The following NAT10 variants were observed in gnomAD, a reference collection of about 807,000 sequenced individuals.
NAT10 encodes the protein N-acetyltransferase 10, also known as RNA cytidine acetyltransferase.
Under a neutral mutation model 132.2 loss-of-function variants are expected in NAT10, and 109 were observed. The observed-to-expected ratio is 0.82, with a 90% confidence interval of 0.71 to 0.97. The LOEUF (loss-of-function observed/expected upper bound fraction) is 0.97. Ranked by LOEUF, NAT10 falls within the 50% of genes least tolerant of loss-of-function variation. The pLI, the probability that NAT10 is intolerant of heterozygous loss-of-function variation, is 0.00. For synonymous variants in NAT10, 479 were observed against 478.0 expected (o/e 1.00, Z -0.03); for missense variants, 1,184 against 1,263.4 (o/e 0.94, Z 0.95).
chr11:34,139,755 C>T (rs1852287095), intron 23 of NAT10, among the ~76,000 whole-genome samples: 2 of 152,040 alleles, frequency 1.3e-5, no homozygotes, highest in African/African-American at 2.4e-5. Context: ...TTATGGAGGC[C>T]GATTTACATC....
At position 34,131,531 on chromosome 11, in the gene NAT10, T is replaced by G. The variant is rs763006405; in HGVS notation, c.1520T>G (p.Leu507Arg). 3 of 1,612,216 alleles carry G rather than the reference T, an allele frequency of 1.9e-6. No individual in the cohort carries two copies. Among genetic ancestry groups the G allele is most frequent in the Non-Finnish European group, 2.5e-6 (3 of 1,178,904 alleles). ...SGCPLPEACE[L>R]YYVNRDTLFC... Reference sequence around the variant, plus strand: ...TGCCCCTTGCCTGAAGCTTGTGAACTGTATCCTCCTCTGGGTTTCACTGGC... The same window carrying G: ...TGCCCCTTGCCTGAAGCTTGTGAACGGTATCCTCCTCTGGGTTTCACTGGC... Residue 507 changes from leucine (L) to arginine (R), a missense_variant and splice_region_variant, in exon 14 of 29, where the codon CTG becomes CGG. By Grantham distance (102) the Leu-to-Arg change is moderately radical. Transcript: ENST00000257829.
chr11:34,126,279 G>A (rs1454115516), intron 11 of NAT10, among the ~76,000 whole-genome samples: 1 of 152,080 alleles, frequency 6.6e-6, no homozygotes, highest in Admixed American at 6.6e-5. Flanking sequence ...CCTCCCCATG[G>A]GTGACTTAGT....
intron 1 of NAT10, 195 bp downstream of exon 1, chr11:34,105,987 C>T (rs1851588544): frequency 6.6e-6 from 1 of 152,408 alleles, no homozygotes; most frequent in Non-Finnish European, 1.5e-5. Context: ...CCGCTCTCGG[C>T]GCGTGCTTCT....
At chr11:34,130,248 A>G (rs979379871) in intron 12 of NAT10, among the ~76,000 whole-genome samples, 1 of 152,244 alleles carries the variant, frequency 6.6e-6, no homozygotes, top group East Asian at 1.9e-4. Context: ...TTTTTTCTCA[A>G]CATTTTTTAG....
chr11:34,132,669 G>T (rs975861211), intron 15 of NAT10, among the ~76,000 whole-genome samples: 6 of 152,200 alleles, frequency 3.9e-5, no homozygotes, highest in African/African-American at 1.2e-4. Flanking sequence ...TTAATGGAAG[G>T]CTTGAAGAGT....
At chr11:34,131,643 T>C in intron 14 of NAT10, 112 bp downstream of exon 14, 4 of 1,166,110 alleles carry the variant, frequency 3.4e-6, no homozygotes, top group Non-Finnish European at 4.6e-6. Context: ...AAGGGGAAAG[T>C]TGAACATTTT....
At chr11:34,127,435 T>C in intron 11 of NAT10, 28 bp from the exon 12 acceptor site, 1 of 1,582,016 alleles carries the variant, frequency 6.3e-7, no homozygotes, top group Non-Finnish European at 8.6e-7. Flanking sequence ...TTCACTATGC[T>C]AATAATCTAA....
At chr11:34,135,493 T>G (rs1049864808) in intron 19 of NAT10, among the ~76,000 whole-genome samples, 1 of 152,206 alleles carries the variant, frequency 6.6e-6, no homozygotes, top group African/African-American at 2.4e-5. Flanking sequence ...TGTAAATTCT[T>G]GAGCCCCACT....
Position 34,122,418 on chromosome 11 carries a change from G to A in NAT10, c.781-41G>A, listed in dbSNP as rs201938195. On this transcript the variant is annotated intron_variant, in intron 8 of 28. Transcript: ENST00000257829. ...ATGGTGATGAATGGTGGAAACTTGG[G>A]TCTTTCTTGGAGTTCACCTAATATG... 3.7e-6 allele frequency: 6 copies of A among 1,611,036 alleles called. No individual in the cohort carries two copies. The African/African-American group carries it at 5.3e-5, about 14-fold the overall frequency.
intron 8 of NAT10, among the ~76,000 whole-genome samples, chr11:34,118,754 A>G (rs937936717): frequency 6.6e-6 from 1 of 151,958 alleles, no homozygotes. Context: ...TATTATTATT[A>G]TTTTTTAAAA....
chr11:34,130,974 G>A, intron 13 of NAT10, 37 bp downstream of exon 13: 2 of 1,610,764 alleles, frequency 1.2e-6, no homozygotes, highest in Middle Eastern at 1.7e-4. Flanking sequence ...GCGGTTCACA[G>A]CAAGGCCCTT....
intron 23 of NAT10, among the ~76,000 whole-genome samples, chr11:34,140,158 A>G (rs1296457423): frequency 1.3e-5 from 2 of 152,336 alleles, no homozygotes; most frequent in Admixed American, 6.5e-5. Context: ...TCCTTGGTCC[A>G]TGTGTTCAGT....
Position 34,137,034 on chromosome 11 carries a change from A to G in NAT10, c.2211+8A>G, listed in dbSNP as rs77241778. 1,427 of 1,614,170 alleles carry G rather than the reference A, an allele frequency of 8.8e-4. 11 individuals are homozygous for G. In the African/African-American group the frequency reaches 0.017, roughly 19 times the overall value. On this transcript the variant is annotated splice_region_variant and intron_variant, in intron 21 of 28. Transcript: ENST00000257829. ...TATCTGAGACAGACCCCGGTGAGTGAGGCATCCAGCAGAGGAGAAGTTTAG... is the reference window on the plus strand; with the variant it reads ...TATCTGAGACAGACCCCGGTGAGTGGGGCATCCAGCAGAGGAGAAGTTTAG...
At chr11:34,116,476 T>A (rs886607133) in intron 6 of NAT10, among the ~76,000 whole-genome samples, 1 of 151,898 alleles carries the variant, frequency 6.6e-6, no homozygotes, top group Admixed American at 6.6e-5. Flanking sequence ...TGGAGTGTAG[T>A]GGTGCGATTT....
intron 8 of NAT10, among the ~76,000 whole-genome samples, chr11:34,122,084 G>C (rs914730201): frequency 2.0e-5 from 3 of 152,016 alleles, no homozygotes; most frequent in African/African-American, 7.3e-5. Flanking sequence ...GCTGAGGCAG[G>C]AAAATCGCTT....
Position 34,120,041 on chromosome 11 carries a change from C to T in NAT10, c.780+1538C>T, listed in dbSNP as rs879330287. The stretch of plus-strand genomic sequence containing the variant: ...ACTAATCTGATATGAGAACATAGGA[C>T]CGTTTTAATTTGTGTTGCTGCTTTA... On this transcript the variant is annotated intron_variant, in intron 8 of 28. Transcript: ENST00000257829. Among the ~76,000 whole-genome samples the T allele has an allele frequency of 2.2e-4, 33 of 151,954 alleles. No homozygotes were observed. The East Asian group carries it at 5.8e-3, about 27-fold the overall frequency.
intron 25 of NAT10, 57 bp downstream of exon 25, chr11:34,141,265 C>A: frequency 6.2e-7 from 1 of 1,607,700 alleles, no homozygotes; most frequent in Non-Finnish European, 8.5e-7. Flanking sequence ...AACAAACCCA[C>A]TCCCTGCTCC....
chr11:34,130,665 G>T, intron 12 of NAT10, 148 bp from the exon 13 acceptor site: 3 of 1,053,614 alleles, frequency 2.8e-6, no homozygotes, highest in Non-Finnish European at 4.1e-6. Context: ...ACAGGTGCCT[G>T]CTATGCTGGA....
Position 34,143,438 on chromosome 11 carries a change from T to G in NAT10, c.2886-7T>G. 1.2e-6 allele frequency: 2 copies of G among 1,613,132 alleles called. No individual in the cohort carries two copies. The highest frequency in any genetic ancestry group is 1.7e-6 in the Non-Finnish European group (2 of 1,179,588). Reference sequence around the variant, plus strand: ...GCAGGCTTTGATAGTTCCCTTCTTTTTTTTAGATACATAATCCGTGGGGAC... The same window carrying G: ...GCAGGCTTTGATAGTTCCCTTCTTTGTTTTAGATACATAATCCGTGGGGAC... On this transcript the variant is annotated splice_polypyrimidine_tract_variant and splice_region_variant and intron_variant, in intron 27 of 28. Transcript: ENST00000257829.
Sources: gnomAD v4.1 joint callset for allele counts (sites outside exome capture counted in the v4.1 genomes callset) on GRCh38, gnomAD v4.1.1 for gene constraint, MANE v1.5 for transcripts, NCBI Gene and HGNC (gene_info 2026-07-23, HGNC 2026-07-21) for gene names.